The following APP variants were observed in gnomAD, a reference collection of about 807,000 sequenced individuals.
The protein encoded by APP is amyloid beta precursor protein.
In APP, 31 loss-of-function variants were observed where a neutral mutation model predicts 101.4. The observed-to-expected ratio is 0.31, with a 90% CI of 0.23 to 0.41. The LOEUF (loss-of-function observed/expected upper bound fraction) is 0.41. Ranked by LOEUF, APP falls within the 10% of genes least tolerant of loss-of-function variation. APP has a pLI of 1.00. For synonymous variants in APP, 366 were observed against 364.4 expected (o/e 1.00, Z -0.05); for missense variants, 839 against 1,003.7 (o/e 0.84, Z 2.22).
chr21:25,894,163 A>C (rs2089242), intron 16 of APP, among the ~76,000 whole-genome samples: 16,387 of 152,176 alleles, frequency 0.11, 904 homozygotes, highest in South Asian at 0.13. Context: ...TCAAAATATT[A>C]CTGCTCACTA....
At chr21:25,937,510 A>G (rs940375654) in intron 13 of APP, among the ~76,000 whole-genome samples, 1 of 152,194 alleles carries the variant, frequency 6.6e-6, no homozygotes, top group East Asian at 1.9e-4. Context: ...CTCCAGGCAC[A>G]TTTTGTCAAT....
At chr21:26,008,584 A>C (rs888243312) in intron 6 of APP, among the ~76,000 whole-genome samples, 1 of 152,160 alleles carries the variant, frequency 6.6e-6, no homozygotes, top group Non-Finnish European at 1.5e-5. Context: ...TACTCCCACC[A>C]TTGGTATTTC....
chr21:26,082,165 G>C (rs1255037826), intron 3 of APP, among the ~76,000 whole-genome samples: 1 of 152,148 alleles, frequency 6.6e-6, no homozygotes, highest in Non-Finnish European at 1.5e-5. Flanking sequence ...GTTGCAGTGA[G>C]CCGAGATCAC....
chr21:25,991,927 CT>C (rs1017890830), intron 8 of APP, among the ~76,000 whole-genome samples: 8 of 152,190 alleles, frequency 5.3e-5, no homozygotes, highest in African/African-American at 1.9e-4. Flanking sequence ...AATGAACATT[CT>C]TTTACCACAG....
chr21:25,905,423 A>AT (rs2038738437), intron 14 of APP, among the ~76,000 whole-genome samples: 1 of 152,216 alleles, frequency 6.6e-6, no homozygotes, highest in South Asian at 2.1e-4. Context: ...TAGAAATAAA[A>AT]TATTCCCAGC....
chr21:25,902,134 C>T (rs2038531301), intron 15 of APP, among the ~76,000 whole-genome samples: 1 of 152,082 alleles, frequency 6.6e-6, no homozygotes, highest in Non-Finnish European at 1.5e-5. Flanking sequence ...TAAGGAGAAG[C>T]CATTTTCCTC....
intron 9 of APP, among the ~76,000 whole-genome samples, chr21:25,979,867 T>TC (rs1228991209): frequency 5.6e-3 from 1 of 180 alleles, no homozygotes; most frequent in Admixed American, 0.036. Flanking sequence ...GCTTCATGAC[T>TC]TGAGGTCTCA....
chr21:26,152,954 ACTC>A (rs2063308477), intron 1 of APP, among the ~76,000 whole-genome samples: 1 of 152,040 alleles, frequency 6.6e-6, no homozygotes, highest in African/African-American at 2.4e-5. Context: ...AGGGACTACT[ACTC>A]AGCCATTACA....
At chr21:25,889,877 AAAC>A (rs1258906682) in intron 17 of APP, among the ~76,000 whole-genome samples, 3 of 152,248 alleles carry the variant, frequency 2.0e-5, no homozygotes, top group South Asian at 4.1e-4. Flanking sequence ...CAACAAAAGA[AAAC>A]AACAAAACCA....
At chr21:26,165,754 A>G (rs982037664) in intron 1 of APP, among the ~76,000 whole-genome samples, 2 of 152,200 alleles carry the variant, frequency 1.3e-5, no homozygotes, top group African/African-American at 2.4e-5. Context: ...ATGTAGCCAC[A>G]CAAAATAAAC....
At chr21:25,993,055 A>G (rs1388488912) in intron 8 of APP, among the ~76,000 whole-genome samples, 1 of 151,820 alleles carries the variant, frequency 6.6e-6, no homozygotes, top group African/African-American at 2.4e-5. Context: ...TTCCATTGAA[A>G]GGCTGCGTGG....
At chr21:26,063,925 G>A (rs1456746465) in intron 3 of APP, among the ~76,000 whole-genome samples, 3 of 152,216 alleles carry the variant, frequency 2.0e-5, no homozygotes, top group African/African-American at 7.2e-5. Flanking sequence ...AATGCCAACA[G>A]GGCTGTATCA....
intron 1 of APP, among the ~76,000 whole-genome samples, chr21:26,151,942 C>T (rs2063279314): frequency 6.6e-6 from 1 of 152,114 alleles, no homozygotes. Flanking sequence ...CTCTAAGTCA[C>T]TACTTCCAGC....
intron 13 of APP, among the ~76,000 whole-genome samples, chr21:25,923,368 A>T (rs1186096113): frequency 6.7e-6 from 1 of 148,996 alleles, no homozygotes; most frequent in Non-Finnish European, 1.5e-5. Context: ...ACAAAAGCCA[A>T]AATGGACAAA....
At chr21:25,973,943 TAAAAAAAA>T (rs369334912) in intron 11 of APP, among the ~76,000 whole-genome samples, 16 of 111,140 alleles carry the variant, frequency 1.4e-4, no homozygotes, top group African/African-American at 3.8e-4. Flanking sequence ...CCATCTCATT[TAAAAAAAA>T]AAAAAAAAAA....
chr21:25,915,973 GT>G (rs112703380), intron 13 of APP, among the ~76,000 whole-genome samples: 7,198 of 143,434 alleles, frequency 0.05, 557 homozygotes, highest in African/African-American at 0.17. Context: ...CTTAGCCTTC[GT>G]TTTTTTTTTT....
chr21:25,964,088 T>C (rs1262592666), intron 11 of APP, among the ~76,000 whole-genome samples: 1 of 152,218 alleles, frequency 6.6e-6, no homozygotes, highest in East Asian at 1.9e-4. Flanking sequence ...ACTTAGTTCA[T>C]AAGGCCAGAG....
chr21:26,067,708 G>A (rs549051977), intron 3 of APP, among the ~76,000 whole-genome samples: 1 of 152,274 alleles, frequency 6.6e-6, no homozygotes, highest in African/African-American at 2.4e-5. Context: ...ATTTATAGGT[G>A]TGTGATTAAT....
chr21:25,928,172 G>A (rs188672553), intron 13 of APP, among the ~76,000 whole-genome samples: 3 of 146,318 alleles, frequency 2.1e-5, no homozygotes, highest in African/African-American at 5.1e-5. Context: ...GTGAAATCGC[G>A]TCTCTACTAA....
Sources: gnomAD v4.1 joint callset for allele counts (sites outside exome capture counted in the v4.1 genomes callset) on GRCh38, gnomAD v4.1.1 for gene constraint, MANE v1.5 for transcripts, NCBI Gene and HGNC (gene_info 2026-07-23, HGNC 2026-07-21) for gene names.